The following SEC24A variants were observed in gnomAD, a reference collection of about 807,000 sequenced individuals.
The protein encoded by SEC24A is protein transport protein Sec24A.
SEC24A carries 93 observed loss-of-function variants against 129.4 expected under a neutral mutation model. The observed-to-expected ratio is 0.72, with a 90% CI of 0.61 to 0.85. The LOEUF (loss-of-function observed/expected upper bound fraction) is 0.85, where lower values mean the gene tolerates loss of function less well. Ranked by LOEUF, SEC24A falls within the 40% of genes least tolerant of loss-of-function variation. The pLI is 0.00. For missense variants in SEC24A, 1,264 were observed against 1,307.4 expected, an observed-to-expected ratio of 0.97 and a Z score of 0.51; for synonymous variants, 460 against 467.3, an observed-to-expected ratio of 0.98 and a Z score of 0.20.
chr5:134,714,725 C>T (rs74867573), intron 18 of SEC24A, among the ~76,000 whole-genome samples: 5 of 152,308 alleles, frequency 3.3e-5, no homozygotes, highest in African/African-American at 9.6e-5. Flanking sequence ...ACATCATTAT[C>T]ACTATCATTA....
chr5:134,690,903 C>CAGCTCACT (rs1202291070), intron 11 of SEC24A, among the ~76,000 whole-genome samples: 2 of 149,140 alleles, frequency 1.3e-5, no homozygotes, highest in Admixed American at 1.3e-4. Flanking sequence ...GGCGCGATCT[C>CAGCTCACT]AGCTCACTGG....
chr5:134,677,539 T>TAA (rs549447862), intron 7 of SEC24A, among the ~76,000 whole-genome samples: 6 of 141,318 alleles, frequency 4.2e-5, no homozygotes, highest in Non-Finnish European at 7.7e-5. Flanking sequence ...ATCCTTATCT[T>TAA]AAAAAAAAAA....
At chr5:134,700,191 G>A (rs1197869077) in intron 15 of SEC24A, among the ~76,000 whole-genome samples, 3 of 151,872 alleles carry the variant, frequency 2.0e-5, no homozygotes, top group Non-Finnish European at 2.9e-5. Flanking sequence ...GTAATGGGGT[G>A]TAGAGTGGTA....
intron 1 of SEC24A, among the ~76,000 whole-genome samples, chr5:134,652,825 C>T (rs1750109216): frequency 6.6e-6 from 1 of 151,218 alleles, no homozygotes; most frequent in African/African-American, 2.4e-5. Context: ...GACGGAGTCT[C>T]ACTCTGTCAC....
rs1428715490 is a variant in SEC24A, at chr5:134,675,236, C to A, written c.1151+19C>A. 6.3e-7 allele frequency: 1 copy of A among 1,584,744 alleles called. No individual in the cohort carries two copies. Among genetic ancestry groups the A allele is most frequent in the Non-Finnish European group, 8.6e-7 (1 of 1,160,006 alleles). ...ACCCAGAGTAAGGCTTCAGATGTGA[C>A]ATTATGCATGTCCGAAAAGTTTTCT... is the stretch of plus-strand genomic sequence containing the variant. On this transcript the variant is annotated intron_variant, in intron 6 of 22. Transcript: ENST00000398844.
chr5:134,707,868 T>C (rs1386103728), intron 17 of SEC24A, among the ~76,000 whole-genome samples: 4 of 152,120 alleles, frequency 2.6e-5, no homozygotes, highest in Non-Finnish European at 5.9e-5. Flanking sequence ...GAAATGCGTA[T>C]AAACAGAGTG....
At chr5:134,695,944 CAAAA>C (rs34026685) in intron 13 of SEC24A, among the ~76,000 whole-genome samples, 5 of 67,734 alleles carry the variant, frequency 7.4e-5, no homozygotes, top group East Asian at 5.0e-4. Context: ...GACTCTGTCT[CAAAA>C]AAAAAAAAAA....
intron 8 of SEC24A, 73 bp downstream of exon 8, chr5:134,679,801 C>T: frequency 1.7e-6 from 2 of 1,178,068 alleles, no homozygotes; most frequent in Non-Finnish European, 1.1e-6. Flanking sequence ...TACAAATGCA[C>T]AGTTAAAAAA....
Position 134,721,099 on chromosome 5 carries a change from CT to C in SEC24A, c.3063+13del. On this transcript the variant is annotated intron_variant, in intron 21 of 22. Transcript: ENST00000398844. ...CAATTCCACAGCCTATGGTAAGACT[CT>C]TTTATTATAGTGATTATAAAGGGCA... 1 of 1,518,286 alleles carries C rather than the reference CT, an allele frequency of 6.6e-7. No individual in the cohort carries two copies. Among genetic ancestry groups the C allele is most frequent in the Non-Finnish European group, 9.1e-7 (1 of 1,094,978 alleles). The allele number at this position is 1,518,286 out of a possible 1,614,324, so 94.1% of individuals were successfully genotyped here. A position where few individuals can be genotyped will look rare whatever the true frequency, so the allele number is the denominator to read the frequency against.
chr5:134,713,647 T>C (rs1037951076), intron 18 of SEC24A, among the ~76,000 whole-genome samples: 1 of 152,168 alleles, frequency 6.6e-6, no homozygotes, highest in Admixed American at 6.6e-5. Context: ...TCCTTTAATA[T>C]AGTCAGTGTA....
At chr5:134,722,242 G>T (rs1033249805) in intron 21 of SEC24A, among the ~76,000 whole-genome samples, 1 of 152,034 alleles carries the variant, frequency 6.6e-6, no homozygotes, top group Non-Finnish European at 1.5e-5. Context: ...TGTAATCTCA[G>T]CGCTTTGGGA....
intron 7 of SEC24A, among the ~76,000 whole-genome samples, chr5:134,677,807 G>C (rs1321304996): frequency 6.7e-6 from 1 of 150,334 alleles, no homozygotes; most frequent in Non-Finnish European, 1.5e-5. Flanking sequence ...CTGTACTCCA[G>C]TCTGGGCAAT....
chr5:134,713,220 C>T (rs554699120), intron 18 of SEC24A, among the ~76,000 whole-genome samples: 73 of 152,230 alleles, frequency 4.8e-4, no homozygotes, highest in African/African-American at 1.3e-3. Context: ...CGTGAGCCAC[C>T]GCGCCCGGCC....
chr5:134,664,860 G>A (rs1199418862), intron 2 of SEC24A, among the ~76,000 whole-genome samples: 3 of 139,650 alleles, frequency 2.1e-5, no homozygotes, highest in Admixed American at 1.6e-4. Context: ...GTGCAGTGGC[G>A]CAATCTCGGC....
At position 134,727,126 on chromosome 5, in the gene SEC24A, T is replaced by C. The variant is rs143742613; in HGVS notation, c.*2032T>C. On this transcript the variant is annotated 3_prime_UTR_variant, in exon 23 of 23. Transcript: ENST00000398844. The stretch of plus-strand genomic sequence containing the variant: ...GATATAAGGCAATTATTTTTTGCAA[T>C]GTTGAATGTGTTTTTTAGTTTGATT... The C allele has an allele frequency of 7.2e-5, 11 of 152,722 alleles. No homozygotes were observed. Among genetic ancestry groups the C allele is most frequent in the African/African-American group, 2.6e-4 (11 of 41,578 alleles). The allele number at this position is 152,722 out of a possible 1,614,324, so 9.5% of individuals were successfully genotyped here. A position where few individuals can be genotyped will look rare whatever the true frequency, so the allele number is the denominator to read the frequency against.
At chr5:134,682,622 A>T (rs760435813) in intron 9 of SEC24A, 140 bp downstream of exon 9, 1 of 517,406 alleles carries the variant, frequency 1.9e-6, no homozygotes, top group Non-Finnish European at 3.4e-6. Context: ...GCTGGAGTGC[A>T]GTGGTGCAGT....
chr5:134,710,131 T>A (rs1752277954), intron 18 of SEC24A, among the ~76,000 whole-genome samples: 1 of 152,104 alleles, frequency 6.6e-6, no homozygotes, highest in South Asian at 2.1e-4. Context: ...ACTCCTGATC[T>A]CGGGTGATTC....
chr5:134,683,617 A>T (rs1751349223), intron 9 of SEC24A, among the ~76,000 whole-genome samples: 1 of 152,070 alleles, frequency 6.6e-6, no homozygotes, highest in African/African-American at 2.4e-5. Flanking sequence ...GGGCTCAAGC[A>T]ATTCTCCTGC....
At chr5:134,654,302 G>A (rs920163796) in intron 1 of SEC24A, among the ~76,000 whole-genome samples, 1 of 151,694 alleles carries the variant, frequency 6.6e-6, no homozygotes, top group Non-Finnish European at 1.5e-5. Flanking sequence ...GCTCACTGCA[G>A]CCTCTGCCTC....
Sources: gnomAD v4.1 joint callset for allele counts (sites outside exome capture counted in the v4.1 genomes callset) on GRCh38, gnomAD v4.1.1 for gene constraint, MANE v1.5 for transcripts, NCBI Gene and HGNC (gene_info 2026-07-23, HGNC 2026-07-21) for gene names.